The following ZFHX3 variants were observed in gnomAD, a reference collection of about 807,000 sequenced individuals.
ZFHX3 encodes the protein zinc finger homeobox 3.
ZFHX3 carries 42 observed loss-of-function variants against 279.1 expected under a neutral mutation model. That is an observed-to-expected ratio of 0.15 (90% confidence interval 0.12 to 0.19). The LOEUF is 0.19. ZFHX3 is among the 10% of genes least tolerant of loss of function. The pLI, the probability that ZFHX3 is intolerant of heterozygous loss-of-function variation, is 1.00. For missense variants in ZFHX3, 4,981 were observed against 4,754.0 expected, an observed-to-expected ratio of 1.05 and a Z score of -1.40; for synonymous variants, 2,293 against 1,957.8, an observed-to-expected ratio of 1.17 and a Z score of -4.52.
chr16:73,121,030 C>A (rs1770366456), intron 7 of ZFHX3, among the ~76,000 whole-genome samples: 1 of 152,164 alleles, frequency 6.6e-6, no homozygotes. Context: ...CAGCTGCTAG[C>A]CATGCGTGGC....
chr16:73,328,984 C>A (rs1373208576), intron 3 of ZFHX3, among the ~76,000 whole-genome samples: 1 of 152,204 alleles, frequency 6.6e-6, no homozygotes, highest in Non-Finnish European at 1.5e-5. Context: ...ATTTGCAAAG[C>A]TACATGAACT....
At chr16:73,052,165 G>A (rs948700577), upstream of ZFHX3, among the ~76,000 whole-genome samples, 3 of 151,762 alleles carry the variant, frequency 2.0e-5, no homozygotes, top group Non-Finnish European at 4.4e-5. Context: ...GGAAACAGAA[G>A]AGGAAAAGAA....
At chr16:73,555,693 GTGGTGGCGGGCACC>G (rs1376485134) in intron 2 of ZFHX3, among the ~76,000 whole-genome samples, 2 of 151,836 alleles carry the variant, frequency 1.3e-5, no homozygotes, top group Admixed American at 1.3e-4. Flanking sequence ...TTAGCCGGGC[GTGGTGGCGGGCACC>G]TGTAATCCCA....
At chr16:73,741,326 T>A (rs1267206975) in intron 1 of ZFHX3, among the ~76,000 whole-genome samples, 2 of 152,156 alleles carry the variant, frequency 1.3e-5, no homozygotes, top group South Asian at 4.1e-4. Context: ...GGACAGCAAG[T>A]GCCAATTAGG....
chr16:73,573,716 G>C (rs1025555976), intron 2 of ZFHX3, among the ~76,000 whole-genome samples: 1 of 152,130 alleles, frequency 6.6e-6, no homozygotes, highest in African/African-American at 2.4e-5. Flanking sequence ...TTTAACAACT[G>C]TGTTAGAATC....
At chr16:72,862,311 C>T (rs1408211091) in intron 4 of ZFHX3, among the ~76,000 whole-genome samples, 3 of 152,222 alleles carry the variant, frequency 2.0e-5, no homozygotes, top group Non-Finnish European at 4.4e-5. Context: ...GGCCTTTGCA[C>T]CAACCAGGCC....
intron 4 of ZFHX3, among the ~76,000 whole-genome samples, chr16:73,259,851 A>C (rs1464166837): frequency 6.6e-6 from 1 of 152,212 alleles, no homozygotes; most frequent in East Asian, 1.9e-4. Flanking sequence ...ATTTTCTATA[A>C]ACATTCTGCT....
At chr16:73,168,517 TA>T (rs1206826406) in intron 5 of ZFHX3, among the ~76,000 whole-genome samples, 1 of 152,074 alleles carries the variant, frequency 6.6e-6, no homozygotes, top group African/African-American at 2.4e-5. Flanking sequence ...CAGCCTCCCG[TA>T]GTGCTGGGAT....
chr16:73,458,306 T>TTCCCTCCCTTCC (rs1203650213), intron 2 of ZFHX3, among the ~76,000 whole-genome samples: 3,213 of 141,758 alleles, frequency 0.023, 474 homozygotes, highest in African/African-American at 0.083. Context: ...CTTTCCTTCT[T>TTCCCTCCCTTCC]TCCCTCCCTT....
chr16:73,712,688 G>A (rs912509118), intron 1 of ZFHX3, among the ~76,000 whole-genome samples: 3 of 152,294 alleles, frequency 2.0e-5, no homozygotes, highest in Admixed American at 6.5e-5. Context: ...TCTCTCCACA[G>A]TACAAAAGGA....
At chr16:73,261,826 C>T (rs964015404) in intron 4 of ZFHX3, among the ~76,000 whole-genome samples, 1 of 152,008 alleles carries the variant, frequency 6.6e-6, no homozygotes, top group African/African-American at 2.4e-5. Context: ...CAGGGATGCA[C>T]CACCACGCTC....
chr16:72,807,197 G>C (rs1424470743), intron 7 of ZFHX3: 2 of 152,218 alleles, frequency 1.3e-5, no homozygotes, highest in African/African-American at 4.8e-5. Flanking sequence ...AAATAGGTGA[G>C]AGTTCTTATG....
chr16:73,762,028 C>T (rs1373112169), intron 1 of ZFHX3, among the ~76,000 whole-genome samples: 1 of 151,956 alleles, frequency 6.6e-6, no homozygotes, highest in Non-Finnish European at 1.5e-5. Context: ...AAGAAACTAT[C>T]ATCAGAGCAA....
chr16:73,103,819 A>G (rs2144790216), intron 7 of ZFHX3, among the ~76,000 whole-genome samples: 1 of 152,160 alleles, frequency 6.6e-6, no homozygotes, highest in East Asian at 1.9e-4. Flanking sequence ...CTCTTTACAG[A>G]GACATTTTAC....
At chr16:72,929,823 C>A (rs1023178787) in intron 3 of ZFHX3, among the ~76,000 whole-genome samples, 1 of 152,232 alleles carries the variant, frequency 6.6e-6, no homozygotes, top group Admixed American at 6.5e-5. Flanking sequence ...GGAAAGGAGA[C>A]CGCATCAATT....
intron 2 of ZFHX3, among the ~76,000 whole-genome samples, chr16:73,604,707 T>G (rs1014982111): frequency 2.0e-5 from 3 of 149,126 alleles, no homozygotes; most frequent in African/African-American, 7.4e-5. Flanking sequence ...ATGGGACCAC[T>G]GCACTCCAAC....
intron 5 of ZFHX3, among the ~76,000 whole-genome samples, chr16:73,169,754 A>G (rs1967474877): frequency 6.6e-6 from 1 of 152,096 alleles, no homozygotes; most frequent in African/African-American, 2.4e-5. Context: ...TATGCCCAGT[A>G]TGGTGGAGAC....
At chr16:73,485,971 C>A (rs1252757997) in intron 2 of ZFHX3, among the ~76,000 whole-genome samples, 1 of 152,202 alleles carries the variant, frequency 6.6e-6, no homozygotes, top group Non-Finnish European at 1.5e-5. Context: ...CAGGGACCAC[C>A]TCTCTTGTTC....
chr16:73,316,094 A>G (rs562187621), intron 4 of ZFHX3, among the ~76,000 whole-genome samples: 4 of 152,324 alleles, frequency 2.6e-5, no homozygotes, highest in African/African-American at 9.6e-5. Context: ...GTTTTATCAC[A>G]AAGAAGGTGA....
Sources: allele counts gnomAD v4.1 joint callset (sites outside exome capture counted in the v4.1 genomes callset), GRCh38; gene constraint gnomAD v4.1.1; transcripts MANE v1.5; gene names NCBI Gene and HGNC (gene_info 2026-07-23, HGNC 2026-07-21).